Variants in TRMT11 observed in about 807,000 individuals in gnomAD.
TRMT11 encodes the protein tRNA (guanine(10)-N(2))-methyltransferase TRMT11.
In TRMT11, 53 loss-of-function variants were observed where a neutral mutation model predicts 62.8. The observed-to-expected ratio is 0.84, with a 90% confidence interval of 0.68 to 1.06. TRMT11 has a LOEUF of 1.06. TRMT11 is among the 50% of genes least tolerant of loss of function. The probability of loss-of-function intolerance (pLI) is 0.00; values close to 1 mark genes in which losing one functional copy is unlikely to be tolerated. For missense variants in TRMT11, 556 were observed against 553.4 expected (o/e 1.00, Z -0.05); for synonymous variants, 188 against 190.3 (o/e 0.99, Z 0.10).
At chr6:125,992,748 A>G (rs895352558) in intron 1 of TRMT11, among the ~76,000 whole-genome samples, 4 of 152,224 alleles carry the variant, frequency 2.6e-5, no homozygotes, top group Non-Finnish European at 5.9e-5. Flanking sequence ...GATGTCTCCT[A>G]TTCAGATTTG....
chr6:125,991,313 G>T (rs1208684846), intron 1 of TRMT11, among the ~76,000 whole-genome samples: 1 of 151,878 alleles, frequency 6.6e-6, no homozygotes, highest in Non-Finnish European at 1.5e-5. Flanking sequence ...GTGCAGTGGC[G>T]TGACCGTGGC....
chr6:126,043,557 G>C (rs1334833881), downstream of TRMT11, among the ~76,000 whole-genome samples: 25 of 150,918 alleles, frequency 1.7e-4, no homozygotes, highest in African/African-American at 5.8e-4. Flanking sequence ...ATAGTCCTTT[G>C]GGTATATACC....
chr6:126,154,607 T>C (rs1280198330), intron 21 of TRMT11, among the ~76,000 whole-genome samples: 1 of 152,166 alleles, frequency 6.6e-6, no homozygotes, highest in African/African-American at 2.4e-5. Context: ...TTAGCCAAAA[T>C]TGAATATTTT....
At chr6:126,159,444 G>A (rs1162933359) in intron 21 of TRMT11, among the ~76,000 whole-genome samples, 1 of 152,078 alleles carries the variant, frequency 6.6e-6, no homozygotes, top group South Asian at 2.1e-4. Context: ...AAGAATCTCT[G>A]AGCTATATTT....
intron 7 of TRMT11, among the ~76,000 whole-genome samples, chr6:126,003,764 G>C (rs777167992): frequency 6.6e-6 from 1 of 151,850 alleles, no homozygotes; most frequent in Non-Finnish European, 1.5e-5. Flanking sequence ...TTGTAAGCTT[G>C]AGATACAACC....
chr6:126,023,308 C>T (rs1251095106), intron 12 of TRMT11, among the ~76,000 whole-genome samples: 2 of 152,144 alleles, frequency 1.3e-5, no homozygotes, highest in Admixed American at 1.3e-4. Context: ...ATTTAACGTC[C>T]ATTTCAAACC....
the TRMT11 span, among the ~76,000 whole-genome samples, chr6:126,272,090 A>T: frequency 1.3e-5 from 2 of 152,218 alleles, no homozygotes; most frequent in African/African-American, 4.8e-5. Context: ...TTATTATTAT[A>T]GAATATGGAT....
intron 21 of TRMT11, among the ~76,000 whole-genome samples, chr6:126,169,094 C>A (rs1010869822): frequency 6.6e-6 from 1 of 152,184 alleles, no homozygotes; most frequent in African/African-American, 2.4e-5. Context: ...TCCTGGAATG[C>A]AGGTGCATGT....
chr6:126,220,421 T>C, the TRMT11 span, among the ~76,000 whole-genome samples: 1 of 152,236 alleles, frequency 6.6e-6, no homozygotes, highest in African/African-American at 2.4e-5. Flanking sequence ...ATGTTATTTT[T>C]CTTTATCCAC....
the TRMT11 span, among the ~76,000 whole-genome samples, chr6:126,212,851 G>T: frequency 6.6e-6 from 1 of 151,936 alleles, no homozygotes; most frequent in African/African-American, 2.4e-5. Flanking sequence ...TCTTTGCCTA[G>T]TCCAATGTCC....
intron 12 of TRMT11, among the ~76,000 whole-genome samples, chr6:126,022,652 T>C (rs1583759847): frequency 6.6e-6 from 1 of 152,342 alleles, no homozygotes; most frequent in East Asian, 1.9e-4. Flanking sequence ...GCAAAATCTT[T>C]TTTTATTACT....
chr6:125,987,523 AC>A (rs1179355841), intron 1 of TRMT11, among the ~76,000 whole-genome samples: 1 of 152,176 alleles, frequency 6.6e-6, no homozygotes, highest in Non-Finnish European at 1.5e-5. Flanking sequence ...TAAAAAAGTG[AC>A]CACAAAATTA....
chr6:126,154,325 A>ATGTGTG (rs752384256), intron 21 of TRMT11, among the ~76,000 whole-genome samples: 8 of 148,050 alleles, frequency 5.4e-5, no homozygotes, highest in African/African-American at 5.2e-5. Context: ...TAATAAAGAT[A>ATGTGTG]TGTGTGTGTG....
the TRMT11 span, among the ~76,000 whole-genome samples, chr6:126,243,239 C>T: frequency 6.6e-6 from 1 of 152,178 alleles, no homozygotes; most frequent in Non-Finnish European, 1.5e-5. Context: ...AATGGGATAC[C>T]ATCTCACACC....
At chr6:125,998,364 G>C in intron 5 of TRMT11, 49 bp downstream of exon 5, 1 of 1,358,204 alleles carries the variant, frequency 7.4e-7, no homozygotes, top group South Asian at 1.2e-5. Flanking sequence ...ATGCAGTCTG[G>C]CCATTGTTGA....
chr6:126,258,104 T>G, the TRMT11 span: 1 of 963,608 alleles, frequency 1.0e-6, no homozygotes, highest in Non-Finnish European at 1.7e-6. Context: ...GGATCTCCTT[T>G]TCCTGGCAGT....
In TRMT11 at chr6:126,066,374, G is replaced by C. The variant is rs540234646; in HGVS notation, c.*1437+13184G>C. 3.9e-5 allele frequency among the ~76,000 whole-genome samples: 6 copies of C among 152,320 alleles called. No individual in the cohort carries two copies. In the East Asian group the frequency reaches 1.2e-3, roughly 29 times the overall value. On this transcript the variant is annotated intron_variant and NMD_transcript_variant, in intron 17 of 22. Coordinates refer to the TRMT11 transcript ENST00000648977. ...CAAATACCCATTCCTTACCGTTCTA[G>C]AAGCTGGACGTCCAAGATCAGGATG...
chr6:126,002,923 G>T (rs1562249216), intron 7 of TRMT11, among the ~76,000 whole-genome samples: 1 of 152,038 alleles, frequency 6.6e-6, no homozygotes, highest in Non-Finnish European at 1.5e-5. Context: ...TACTGTGTGT[G>T]TTGGTTTTAA....
At chr6:126,225,041 G>C in the TRMT11 span, among the ~76,000 whole-genome samples, 19 of 152,186 alleles carry the variant, frequency 1.2e-4, no homozygotes, top group African/African-American at 4.6e-4. Flanking sequence ...GGGGTGCTCA[G>C]ATCAGACTGG....
Sources: allele counts gnomAD v4.1 joint callset (sites outside exome capture counted in the v4.1 genomes callset), GRCh38; gene constraint gnomAD v4.1.1; transcripts MANE v1.5; gene names NCBI Gene and HGNC (gene_info 2026-07-23, HGNC 2026-07-21).